The following PCDH15 variants were observed in gnomAD, a reference collection of about 807,000 sequenced individuals.
The protein encoded by PCDH15 is protocadherin related 15.
A neutral mutation model predicts 178.5 loss-of-function variants in PCDH15; 129 were observed. The observed-to-expected ratio is 0.72, with a 90% CI of 0.63 to 0.84. The LOEUF (loss-of-function observed/expected upper bound fraction) is 0.84, where lower values mean the gene tolerates loss of function less well. Ranked by LOEUF, PCDH15 falls within the 40% of genes least tolerant of loss-of-function variation. The pLI, the probability that PCDH15 is intolerant of heterozygous loss-of-function variation, is 0.00. For missense variants in PCDH15, 2,230 were observed against 2,099.9 expected, an observed-to-expected ratio of 1.06 and a Z score of -1.21; for synonymous variants, 800 against 732.0, an observed-to-expected ratio of 1.09 and a Z score of -1.50.
chr10:55,072,337 T>A (rs568963451), intron 2 of PCDH15, among the ~76,000 whole-genome samples: 5 of 152,084 alleles, frequency 3.3e-5, no homozygotes, highest in South Asian at 4.2e-4. Context: ...TCAACAAAAT[T>A]GATAGACCAC....
At chr10:54,085,809 T>A (rs537112604) in intron 16 of PCDH15, among the ~76,000 whole-genome samples, 4 of 152,286 alleles carry the variant, frequency 2.6e-5, no homozygotes, top group African/African-American at 4.8e-5. Context: ...ACTAATTTTT[T>A]AAAAGAAATA....
intron 3 of PCDH15, among the ~76,000 whole-genome samples, chr10:54,418,455 A>C (rs2135763799): frequency 6.6e-6 from 1 of 152,224 alleles, no homozygotes. Context: ...GTTTAGGTAT[A>C]GTATCACTGT....
chr10:54,056,343 C>T (rs2093886776), intron 18 of PCDH15, among the ~76,000 whole-genome samples: 1 of 152,080 alleles, frequency 6.6e-6, no homozygotes, highest in Non-Finnish European at 1.5e-5. Context: ...AAAGGCATAC[C>T]TGAGACTGGA....
chr10:55,334,240 A>ATGTGTGTGTGTG (rs1174973055), intron 2 of PCDH15, among the ~76,000 whole-genome samples: 6 of 88,628 alleles, frequency 6.8e-5, no homozygotes, highest in Non-Finnish European at 1.0e-4. Context: ...ATATATATAT[A>ATGTGTGTGTGTG]TATGTGTGTG....
intron 8 of PCDH15, among the ~76,000 whole-genome samples, chr10:54,251,309 T>C (rs1366350588): frequency 6.6e-6 from 1 of 152,230 alleles, no homozygotes; most frequent in East Asian, 1.9e-4. Flanking sequence ...TAATTAACAC[T>C]TTTGATCTGC....
chr10:53,964,377 T>A (rs56971213), intron 21 of PCDH15, among the ~76,000 whole-genome samples: 3 of 43,290 alleles, frequency 6.9e-5, no homozygotes, highest in African/African-American at 1.7e-4. Context: ...TATAAAAAAA[T>A]TTATTTATAA....
chr10:55,320,111 T>C (rs1843849235), upstream of PCDH15, among the ~76,000 whole-genome samples: 1 of 152,158 alleles, frequency 6.6e-6, no homozygotes, highest in South Asian at 2.1e-4. Flanking sequence ...TTTGCCAGCA[T>C]GCACTTGCCC....
At chr10:54,908,333 G>T (rs904091728) in intron 2 of PCDH15, among the ~76,000 whole-genome samples, 2 of 152,178 alleles carry the variant, frequency 1.3e-5, no homozygotes, top group African/African-American at 4.8e-5. Context: ...AGAGACTGTG[G>T]TTGGACAAGG....
intron 2 of PCDH15, among the ~76,000 whole-genome samples, chr10:55,343,792 A>G (rs566498637): frequency 3.3e-5 from 5 of 152,182 alleles, no homozygotes; most frequent in Non-Finnish European, 7.4e-5. Context: ...GAAACAAATA[A>G]CTATTGAACA....
At chr10:53,878,376 T>C (rs2080424073) in intron 26 of PCDH15, among the ~76,000 whole-genome samples, 1 of 145,998 alleles carries the variant, frequency 6.8e-6, no homozygotes, top group South Asian at 2.1e-4. Context: ...TAATATATTC[T>C]ATATATAGTC....
At chr10:54,474,069 G>A (rs2078103460) in intron 3 of PCDH15, among the ~76,000 whole-genome samples, 1 of 151,720 alleles carries the variant, frequency 6.6e-6, no homozygotes. Context: ...AAACAGAAAT[G>A]CAAATAAATA....
intron 2 of PCDH15, among the ~76,000 whole-genome samples, chr10:55,345,085 T>A (rs932506260): frequency 5.9e-5 from 9 of 152,060 alleles, no homozygotes; most frequent in African/African-American, 2.2e-4. Context: ...TATATCTCTC[T>A]GTTTCTTTGT....
At chr10:54,389,472 CTG>C (rs1477298625) in intron 3 of PCDH15, among the ~76,000 whole-genome samples, 2 of 152,162 alleles carry the variant, frequency 1.3e-5, no homozygotes, top group African/African-American at 4.8e-5. Flanking sequence ...TGCTGCTTGT[CTG>C]TGTGTCTCAC....
chr10:54,804,041 T>A (rs979975252), upstream of PCDH15, among the ~76,000 whole-genome samples: 1 of 151,882 alleles, frequency 6.6e-6, no homozygotes, highest in African/African-American at 2.4e-5. Context: ...GTCAAAAAAA[T>A]TTTCTTTTTT....
At chr10:54,523,538 G>A (rs1166961656) in intron 3 of PCDH15, among the ~76,000 whole-genome samples, 1 of 152,044 alleles carries the variant, frequency 6.6e-6, no homozygotes, top group African/African-American at 2.4e-5. Context: ...GTACTTTCAT[G>A]TTCTTTAAAT....
At chr10:54,475,581 A>C (rs2078220042) in intron 3 of PCDH15, among the ~76,000 whole-genome samples, 1 of 151,630 alleles carries the variant, frequency 6.6e-6, no homozygotes, top group African/African-American at 2.4e-5. Context: ...AGCAATTATA[A>C]TCATATTATA....
At chr10:54,716,859 A>G (rs2095486324) in intron 1 of PCDH15, among the ~76,000 whole-genome samples, 1 of 148,626 alleles carries the variant, frequency 6.7e-6, no homozygotes, top group Non-Finnish European at 1.5e-5. Context: ...ACTTCAAACT[A>G]TACTACAAGG....
chr10:55,009,645 A>G (rs2131941168), intron 2 of PCDH15, among the ~76,000 whole-genome samples: 1 of 152,136 alleles, frequency 6.6e-6, no homozygotes, highest in East Asian at 1.9e-4. Context: ...TATTCTTTAC[A>G]AGAATTATTA....
intron 13 of PCDH15, among the ~76,000 whole-genome samples, chr10:54,172,304 A>G (rs950713363): frequency 6.8e-6 from 1 of 147,842 alleles, no homozygotes; most frequent in African/African-American, 2.5e-5. Context: ...GCACCTTGCG[A>G]CCCCCGACTC....
Sources: gnomAD v4.1 joint callset for allele counts (sites outside exome capture counted in the v4.1 genomes callset) on GRCh38, gnomAD v4.1.1 for gene constraint, MANE v1.5 for transcripts, NCBI Gene and HGNC (gene_info 2026-07-23, HGNC 2026-07-21) for gene names.